The following PTPRT variants were observed in gnomAD, a reference collection of about 807,000 sequenced individuals.
PTPRT encodes receptor-type tyrosine-protein phosphatase T.
A neutral mutation model predicts 176.8 loss-of-function variants in PTPRT; 56 were observed. The observed-to-expected ratio is 0.32, with a 90% CI of 0.26 to 0.40. The LOEUF is 0.40. Ranked by LOEUF, PTPRT falls within the 10% of genes least tolerant of loss-of-function variation. The pLI is 1.00. For synonymous variants in PTPRT, 783 were observed against 739.0 expected (o/e 1.06, Z -0.96); for missense variants, 1,540 against 1,908.2 (o/e 0.81, Z 3.60).
chr20:42,086,745 A>ATATATATATATATATATAT (rs1568913226), intron 27 of PTPRT, among the ~76,000 whole-genome samples: 1 of 45,990 alleles, frequency 2.2e-5, no homozygotes, highest in African/African-American at 9.1e-5. Flanking sequence ...AAAAAAAAAA[A>ATATATATATATATATATAT]AAAAAAAAAT....
intron 11 of PTPRT, among the ~76,000 whole-genome samples, chr20:42,346,024 T>TG (rs894442436): frequency 7.9e-5 from 12 of 151,954 alleles, no homozygotes; most frequent in Non-Finnish European, 1.3e-4. Flanking sequence ...AGCAGTTCAG[T>TG]GGGGGGTGGA....
At chr20:42,855,309 G>A (rs2078541654) in intron 2 of PTPRT, among the ~76,000 whole-genome samples, 2 of 151,566 alleles carry the variant, frequency 1.3e-5, no homozygotes, top group South Asian at 2.1e-4. Context: ...TGAACAAAAT[G>A]AATTAAAATG....
intron 2 of PTPRT, among the ~76,000 whole-genome samples, chr20:42,881,055 T>C (rs1447410894): frequency 6.6e-6 from 1 of 152,214 alleles, no homozygotes; most frequent in Non-Finnish European, 1.5e-5. Flanking sequence ...GCAGCATCAG[T>C]GAGCTAGAAG....
the PTPRT span, among the ~76,000 whole-genome samples, chr20:42,059,369 C>A: frequency 1.3e-5 from 2 of 152,164 alleles, no homozygotes; most frequent in African/African-American, 2.4e-5. Flanking sequence ...CCAGCAGGGG[C>A]CTCTTTGCAT....
rs777396284 is a variant in PTPRT, at chr20:42,150,444, C to T, written c.2683-8442G>A. Among the ~76,000 whole-genome samples, 15 of 152,182 alleles carry T rather than the reference C, an allele frequency of 9.9e-5. No homozygotes were observed. In the East Asian group the frequency reaches 1.2e-3, roughly 12 times the overall value. ...CTCCAGGGCACAGCTGAGGGCTTGC[C>T]GCCTCCATGTTCAGTCCAGCCTGCC... On this transcript the variant is annotated intron_variant, in intron 17 of 30. Coordinates refer to ENST00000373187, the MANE Select transcript of PTPRT (RefSeq NM_007050.6).
intron 7 of PTPRT, among the ~76,000 whole-genome samples, chr20:42,495,525 T>C (rs1345272128): frequency 6.6e-6 from 1 of 152,200 alleles, no homozygotes; most frequent in African/African-American, 2.4e-5. Flanking sequence ...AATAAAGCAA[T>C]AATTCTCTGG....
At chr20:42,948,602 C>G (rs1393511027) in intron 1 of PTPRT, among the ~76,000 whole-genome samples, 1 of 151,320 alleles carries the variant, frequency 6.6e-6, no homozygotes, top group African/African-American at 2.4e-5. Context: ...TCCAGGAGTT[C>G]AGCCAGCTCA....
chr20:42,205,674 C>T (rs1466657693), intron 15 of PTPRT, among the ~76,000 whole-genome samples: 2 of 152,142 alleles, frequency 1.3e-5, no homozygotes, highest in East Asian at 3.9e-4. Context: ...TGCCCACTCT[C>T]CTGGGGAGAC....
chr20:42,200,111 G>A (rs1291310706), intron 15 of PTPRT, among the ~76,000 whole-genome samples: 2 of 151,504 alleles, frequency 1.3e-5, no homozygotes, highest in African/African-American at 4.9e-5. Flanking sequence ...AGTAGGACAG[G>A]ACCTAGAATT....
chr20:43,089,880 G>A (rs2011753527), intron 1 of PTPRT, among the ~76,000 whole-genome samples: 1 of 152,174 alleles, frequency 6.6e-6, no homozygotes, highest in South Asian at 2.1e-4. Context: ...AATCTTCCAA[G>A]AAGGTGCTTA....
intron 13 of PTPRT, among the ~76,000 whole-genome samples, chr20:42,263,231 T>C (rs943393742): frequency 6.6e-6 from 1 of 152,044 alleles, no homozygotes; most frequent in Non-Finnish European, 1.5e-5. Flanking sequence ...TTTCTTTTCT[T>C]TTTTTTGAGA....
Position 42,098,478 on chromosome 20 carries a change from C to T in PTPRT, c.3789G>A (p.Leu1263=). 1 of 1,614,198 alleles carries T rather than the reference C, an allele frequency of 6.2e-7. No individual in the cohort carries two copies. Among genetic ancestry groups the T allele is most frequent in the Non-Finnish European group, 8.5e-7 (1 of 1,180,026 alleles). Residue 1263 remains leucine, a synonymous_variant, in exon 27 of 31, where the codon CTG becomes CTA. Coordinates refer to ENST00000373187, the MANE Select transcript of PTPRT (RefSeq NM_007050.6). ...LPNTVADFWR[L]VFDYNCSSVV... ...CAGAGGAGCAGTTGTAATCGAACAC[C>T]AGCCTCCAGAAGTCTGCCACGGTGT... is the stretch of plus-strand genomic sequence containing the variant.
At chr20:42,963,333 C>T (rs1322241475) in intron 1 of PTPRT, among the ~76,000 whole-genome samples, 1 of 151,874 alleles carries the variant, frequency 6.6e-6, no homozygotes, top group African/African-American at 2.4e-5. Flanking sequence ...GCCGAGATCG[C>T]ACCACTGCAC....
At chr20:42,519,542 T>C (rs931866868) in intron 7 of PTPRT, among the ~76,000 whole-genome samples, 2 of 152,118 alleles carry the variant, frequency 1.3e-5, no homozygotes, top group African/African-American at 4.8e-5. Flanking sequence ...GAGTGGTTGT[T>C]TGGAATTAAA....
intron 5 of PTPRT, among the ~76,000 whole-genome samples, chr20:42,757,134 C>T (rs1168075682): frequency 1.3e-5 from 2 of 150,876 alleles, no homozygotes; most frequent in Admixed American, 6.6e-5. Flanking sequence ...ATAAACTTTG[C>T]TAGTGAGCTG....
intron 14 of PTPRT, among the ~76,000 whole-genome samples, chr20:42,246,259 G>A (rs899801863): frequency 9.9e-5 from 15 of 152,078 alleles, no homozygotes; most frequent in African/African-American, 3.6e-4. Flanking sequence ...AGTGGAAAGA[G>A]TGCAGGCCTA....
intron 7 of PTPRT, among the ~76,000 whole-genome samples, chr20:42,516,119 G>T (rs1373402387): frequency 9.0e-6 from 1 of 110,806 alleles, no homozygotes; most frequent in Non-Finnish European, 1.8e-5. Context: ...TGGGGGGAGG[G>T]GGGAGGGATA....
At chr20:42,054,084 C>A in the PTPRT span, among the ~76,000 whole-genome samples, 4 of 152,128 alleles carry the variant, frequency 2.6e-5, no homozygotes, top group East Asian at 7.7e-4. Context: ...GCTGGAATTG[C>A]CACAGAGAGG....
chr20:42,533,100 G>C (rs61075464), intron 7 of PTPRT, among the ~76,000 whole-genome samples: 3,366 of 152,262 alleles, frequency 0.022, 124 homozygotes, highest in African/African-American at 0.077. Flanking sequence ...CCCTCCGCCA[G>C]GTTGCCCTGC....
Sources: allele counts gnomAD v4.1 joint callset (sites outside exome capture counted in the v4.1 genomes callset), GRCh38; gene constraint gnomAD v4.1.1; transcripts MANE v1.5; gene names NCBI Gene and HGNC (gene_info 2026-07-23, HGNC 2026-07-21).